Variants in CNTD1 observed in about 807,000 individuals in gnomAD.
The protein encoded by CNTD1 is cyclin N-terminal domain containing 1.
A neutral mutation model predicts 36.3 loss-of-function variants in CNTD1; 17 were observed. The ratio of observed to expected loss-of-function variants is 0.47; its 90% CI spans 0.32 to 0.70. The LOEUF (loss-of-function observed/expected upper bound fraction) is 0.70. Ranked by LOEUF, CNTD1 falls within the 30% of genes least tolerant of loss-of-function variation. The probability of loss-of-function intolerance (pLI) is 0.03; values close to 1 mark genes in which losing one functional copy is unlikely to be tolerated. For missense variants in CNTD1, 338 were observed against 386.1 expected (o/e 0.88, Z 1.04); for synonymous variants, 128 against 153.3 (o/e 0.83, Z 1.22).
In CNTD1 at chr17:42,798,966, G is replaced by C; in HGVS notation, c.-102G>C. ...GAGGCGACGACACACTCATTGGAAG[G>C]GGACGAGGAATCCAGGGTGTGGCAG... On this transcript the variant is annotated 5_prime_UTR_variant, in exon 1 of 7. Coordinates refer to ENST00000588408, the MANE Select transcript of CNTD1 (RefSeq NM_173478.3). The C allele has an allele frequency of 1.3e-6, 2 of 1,501,014 alleles. No homozygotes were observed. The highest frequency in any genetic ancestry group is 1.8e-6 in the Non-Finnish European group (2 of 1,125,706). 93.0% of individuals were successfully genotyped at this position (1,501,014 alleles called of 1,614,324 possible). A position where few individuals can be genotyped will look rare whatever the true frequency, so the allele number is the denominator to read the frequency against.
At chr17:42,802,588 T>C (rs1009177437) in intron 1 of CNTD1, among the ~76,000 whole-genome samples, 1 of 152,260 alleles carries the variant, frequency 6.6e-6, no homozygotes, top group Non-Finnish European at 1.5e-5. Context: ...CTGTCCTGCA[T>C]TGGACATTGC....
chr17:42,800,119 G>A (rs1437323170), intron 1 of CNTD1, among the ~76,000 whole-genome samples: 2 of 151,320 alleles, frequency 1.3e-5, no homozygotes, highest in African/African-American at 4.9e-5. Flanking sequence ...TAGAGATAGA[G>A]GTCTTGCCTT....
intron 1 of CNTD1, among the ~76,000 whole-genome samples, chr17:42,802,837 C>G (rs1374108621): frequency 6.6e-6 from 1 of 152,210 alleles, no homozygotes; most frequent in Non-Finnish European, 1.5e-5. Context: ...TTTCCACCCT[C>G]TAATGATATT....
rs764472001 is a variant in CNTD1 at position 42,805,722 on chromosome 17, A to G, written c.418A>G (p.Ile140Val). 9 of 1,609,672 alleles carry G rather than the reference A, an allele frequency of 5.6e-6. No individual in the cohort carries two copies. The East Asian group carries it at 1.8e-4, about 32-fold the overall frequency. Residue 140 changes from isoleucine (I) to valine (V), a missense_variant and splice_region_variant, in exon 4 of 7, where the codon ATA (isoleucine) becomes GTA (valine). Ile to Val is a conservative substitution (Grantham distance 29, BLOSUM62 3). Coordinates refer to ENST00000588408, the MANE Select transcript of CNTD1 (RefSeq NM_173478.3). ...LASKLSFRNKIISNITVLNFL... is the reference protein window; with the variant it reads ...LASKLSFRNKVISNITVLNFL... ...CTTTCCCTCTCTTTTCTTTGCTCAG[A>G]TAATCAGCAACATTACAGTCTTGAA...
chr17:42,806,043 C>T (rs1567662608), intron 4 of CNTD1, among the ~76,000 whole-genome samples, 159 bp downstream of exon 4: 1 of 152,050 alleles, frequency 6.6e-6, no homozygotes, highest in Non-Finnish European at 1.5e-5. Context: ...GCCTGGGCAA[C>T]ATAGTGAGAC....
At position 42,804,091 on chromosome 17, in the gene CNTD1, G is replaced by A. The variant is rs566100320; in HGVS notation, c.246-134G>A. 8.9e-5 allele frequency: 65 copies of A among 727,596 alleles called. 1 individual carries two copies. The South Asian group carries it at 1.3e-3, about 14-fold the overall frequency. The allele number at this position is 727,596 out of a possible 1,614,324, so 45.1% of individuals were successfully genotyped here. On this transcript the variant is annotated intron_variant, in intron 2 of 6. Transcript: ENST00000588408. The stretch of plus-strand genomic sequence containing the variant: ...TGGGCTCAAGTCATCTGCCTGCCTT[G>A]GCCTCCCAAAGTGCTGGGATTACAG...
intron 6 of CNTD1, among the ~76,000 whole-genome samples, chr17:42,808,946 G>A (rs111520721): frequency 0.02 from 3,028 of 152,134 alleles, 91 homozygotes; most frequent in African/African-American, 0.068. Context: ...CTACTCCAGA[G>A]GCTGAAGTGG....
At position 42,809,999 on chromosome 17, in the gene CNTD1, G is replaced by A. The variant is rs927019352; in HGVS notation, c.*464G>A. 6.6e-6 allele frequency: 1 copy of A among 152,330 alleles called. No homozygotes were observed. The allele number at this position is 152,330 out of a possible 1,614,324, so 9.4% of individuals were successfully genotyped here. On this transcript the variant is annotated 3_prime_UTR_variant, in exon 7 of 7. Transcript: ENST00000588408. Reference sequence around the variant, plus strand: ...TCAACAGCTATCTATTTTTACTAGAGTCTTTTTTTAAAACTAAAACTAACT... The same window carrying A: ...TCAACAGCTATCTATTTTTACTAGAATCTTTTTTTAAAACTAAAACTAACT...
At chr17:42,806,297 A>G (rs2144125641) in intron 4 of CNTD1, among the ~76,000 whole-genome samples, 1 of 152,086 alleles carries the variant, frequency 6.6e-6, no homozygotes, top group African/African-American at 2.4e-5. Flanking sequence ...AACAGTAGGA[A>G]GCTTGATGGT....
At chr17:42,799,752 CAAAAAAA>C (rs780393099) in intron 1 of CNTD1, among the ~76,000 whole-genome samples, 577 of 10,492 alleles carry the variant, frequency 0.055, 5 homozygotes, top group African/African-American at 0.14. Context: ...AACTCCGTCT[CAAAAAAA>C]AAAAAAAAAA....
intron 1 of CNTD1, among the ~76,000 whole-genome samples, chr17:42,802,796 T>C (rs1001792122): frequency 1.1e-4 from 16 of 152,224 alleles, no homozygotes; most frequent in Admixed American, 3.3e-4. Flanking sequence ...CTGTAGGAGC[T>C]TTCTTTGTTG....
Position 42,805,807 on chromosome 17 carries a change from A to C in CNTD1, c.503A>C (p.Asp168Ala), listed in dbSNP as rs753304143. 1 of 1,614,094 alleles carries C rather than the reference A, an allele frequency of 6.2e-7. No individual in the cohort carries two copies. Among genetic ancestry groups the C allele is most frequent in the Non-Finnish European group, 8.5e-7 (1 of 1,179,948 alleles). Residue 168 changes from aspartate (D) to alanine (A), a missense_variant, in exon 4 of 7, where the codon GAT (aspartate) becomes GCT (alanine). By Grantham distance (126) the Asp-to-Ala change is moderately radical (BLOSUM62 -2). Transcript: ENST00000588408. ...GAAGAACTGCTGGAATCAGAGCTTG[A>C]TGTTTTGAAGTCCTTGAACTTCCGA... is the stretch of plus-strand genomic sequence containing the variant. ...TKEELLESEL[D>A]VLKSLNFRIN... is the part of the protein sequence containing the mutation.
chr17:42,805,477 TAGGG>T, intron 3 of CNTD1: 1 of 305,022 alleles, frequency 3.3e-6, no homozygotes, highest in Non-Finnish European at 6.2e-6. Flanking sequence ...GGAGAGGAAT[TAGGG>T]AGGAAAGGAA....
At position 42,804,222 on chromosome 17, in the gene CNTD1, C is replaced by T. The variant is rs776486844; in HGVS notation, c.246-3C>T. 6.2e-7 allele frequency: 1 copy of T among 1,611,716 alleles called. No individual in the cohort carries two copies. The highest frequency in any genetic ancestry group is 1.7e-5 in the Admixed American group (1 of 59,604). On this transcript the variant is annotated splice_region_variant and splice_polypyrimidine_tract_variant and intron_variant, in intron 2 of 6. Coordinates refer to ENST00000588408, the MANE Select transcript of CNTD1 (RefSeq NM_173478.3). The stretch of plus-strand genomic sequence containing the variant: ...TTGTTTACTCTCCCTCCCTTCCCTA[C>T]AGGTTTATGGTAAAACAGGCAGAGA...
intron 5 of CNTD1, 98 bp from the exon 6 acceptor site, chr17:42,807,670 T>C (rs1289012792): frequency 1.1e-6 from 1 of 870,724 alleles, no homozygotes; most frequent in Admixed American, 2.1e-5. Context: ...TCCAAGATGA[T>C]CGACACAAAT....
intron 5 of CNTD1, among the ~76,000 whole-genome samples, chr17:42,807,463 C>T (rs777141505): frequency 6.6e-6 from 1 of 151,716 alleles, no homozygotes; most frequent in Non-Finnish European, 1.5e-5. Flanking sequence ...GCAACTTGGA[C>T]AAGAGTGTTT....
intron 5 of CNTD1, 101 bp downstream of exon 5, chr17:42,806,919 C>A: frequency 9.4e-7 from 1 of 1,069,192 alleles, no homozygotes; most frequent in Non-Finnish European, 1.4e-6. Flanking sequence ...GGCATCCAGT[C>A]CCAGATAACC....
chr17:42,801,545 AT>A (rs1567660293), intron 1 of CNTD1, among the ~76,000 whole-genome samples: 88 of 48,634 alleles, frequency 1.8e-3, no homozygotes, highest in South Asian at 6.6e-3. Flanking sequence ...ATATATATAT[AT>A]AATATATGTG....
At chr17:42,806,586 C>A in intron 4 of CNTD1, 88 bp from the exon 5 acceptor site, 1 of 1,340,208 alleles carries the variant, frequency 7.5e-7, no homozygotes, top group South Asian at 1.3e-5. Context: ...AGCACATTAG[C>A]ACCTCAACAG....
Sources: gnomAD v4.1 joint callset for allele counts (sites outside exome capture counted in the v4.1 genomes callset) on GRCh38, gnomAD v4.1.1 for gene constraint, MANE v1.5 for transcripts, NCBI Gene and HGNC (gene_info 2026-07-23, HGNC 2026-07-21) for gene names.